Variants in MORN1 observed in about 807,000 individuals in gnomAD.
MORN1 encodes the protein MORN repeat-containing protein 1.
Under a neutral mutation model 61.9 loss-of-function variants are expected in MORN1, and 67 were observed. The ratio of observed to expected loss-of-function variants is 1.08; its 90% CI spans 0.89 to 1.33. The LOEUF (loss-of-function observed/expected upper bound fraction) is 1.33, where lower values mean the gene tolerates loss of function less well. Ranked by LOEUF, MORN1 falls within the 40% of genes most tolerant of loss-of-function variation. The pLI, the probability that MORN1 is intolerant of heterozygous loss-of-function variation, is 0.00. For synonymous variants in MORN1, 301 were observed against 292.0 expected (o/e 1.03, Z -0.31); for missense variants, 752 against 691.2 (o/e 1.09, Z -0.99).
chr1:2,355,075 G>C (rs886520279), intron 10 of MORN1: 68 of 816,450 alleles, frequency 8.3e-5, no homozygotes, highest in East Asian at 5.7e-4. Flanking sequence ...CAGTGGGGCC[G>C]GCGCGGGGGG....
In MORN1 at chr1:2,357,529, C is replaced by T. The variant is rs1557880343; in HGVS notation, c.939G>A (p.Lys313=). 6 of 1,612,744 alleles carry T rather than the reference C, an allele frequency of 3.7e-6. No homozygotes were observed. The highest frequency in any genetic ancestry group is 5.1e-6 in the Non-Finnish European group (6 of 1,179,636). The change falls in exon 10 of 14, where the codon AAG becomes AAA. Residue 313 remains lysine (K), a synonymous_variant. Transcript: ENST00000378531. The surrounding 1 kb of genome is among the most constrained non-coding windows in gnomAD (Gnocchi z 6.3). ...AAGVPGPRAA[K]GGAEADVPLP... ...GGGGCACGTCGGCTTCTGCCCCTCC[C>T]TTGGCAGCTCTGGGCCCCGGCACCC...
Position 2,387,438 on chromosome 1 carries a change from G to C in MORN1, c.339C>G (p.Val113=). The C allele has an allele frequency of 6.2e-7, 1 of 1,613,432 alleles. No individual in the cohort carries two copies. The highest frequency in any genetic ancestry group is 8.5e-7 in the Non-Finnish European group (1 of 1,179,896). ...CCAGACCTTCCCGCATGCCGTGGGA[G>C]ACCTCCCCTTCATAACATCCGCCGG... is the stretch of plus-strand genomic sequence containing the variant. ...YKAGGCYEGE[V]SHGMREGHGF... is the part of the protein sequence containing the mutation. The change falls in exon 4 of 14, where the codon GTC becomes GTG. Residue 113 remains valine, a synonymous_variant. Transcript: ENST00000378531.
rs372689380 is a variant in MORN1, at chr1:2,336,705, G to C, written c.1170+12C>G. On this transcript the variant is annotated intron_variant, in intron 11 of 13. Coordinates refer to ENST00000378531, the MANE Select transcript of MORN1 (RefSeq NM_024848.3). The stretch of plus-strand genomic sequence containing the variant: ...ATGTGGGGTGGCCTCCCCGCCCCCC[G>C]TGGGCACCCACCTTGTGGAGGCTGT... 3 of 1,548,468 alleles carry C rather than the reference G, an allele frequency of 1.9e-6. No individual in the cohort carries two copies. The highest frequency in any genetic ancestry group is 2.6e-6 in the Non-Finnish European group (3 of 1,144,830).
At chr1:2,376,962 C>T (rs1456174435) in intron 6 of MORN1, 1 of 152,238 alleles carries the variant, frequency 6.6e-6, no homozygotes, top group Non-Finnish European at 1.5e-5. Flanking sequence ...ACGGCACAGA[C>T]TGGGACACTG....
Position 2,321,368 on chromosome 1 carries a change from T to G in MORN1, c.*15A>C, listed in dbSNP as rs1640876091. On this transcript the variant is annotated 3_prime_UTR_variant, in exon 14 of 14. Transcript: ENST00000378531. Reference sequence around the variant, plus strand: ...TTCCATTCACACCGAGGTGGCCTCCTGTGGACACGGGGCCTCACCGAGGCG... The same window carrying G: ...TTCCATTCACACCGAGGTGGCCTCCGGTGGACACGGGGCCTCACCGAGGCG... 6.7e-7 allele frequency: 1 copy of G among 1,482,000 alleles called. No individual in the cohort carries two copies. The allele number at this position is 1,482,000 out of a possible 1,614,324, so 91.8% of individuals were successfully genotyped here.
chr1:2,342,171 G>A (rs955001200), intron 10 of MORN1, among the ~76,000 whole-genome samples: 4 of 152,268 alleles, frequency 2.6e-5, no homozygotes, highest in Non-Finnish European at 2.9e-5. Context: ...GAGCCAGCCC[G>A]GGACGGGATC....
In MORN1 at chr1:2,385,830, G is replaced by C. The variant is rs374933261; in HGVS notation, c.426C>G (p.His142Gln). The change falls in exon 5 of 14, where the codon CAC (histidine) becomes CAG (glutamine). Residue 142 changes from histidine to glutamine, a missense_variant. Transcript: ENST00000378531. ...ACTGAAAGAGCATCTGCCCAGGGCCGTGCCTCTTGTTGTCATGGAAGGAGC... is the reference window on the plus strand; with the variant it reads ...ACTGAAAGAGCATCTGCCCAGGGCCCTGCCTCTTGTTGTCATGGAAGGAGC... ...YQGSFHDNKR[H>Q]GPGQMLFQNG... 6 of 1,613,780 alleles carry C rather than the reference G, an allele frequency of 3.7e-6. No homozygotes were observed. In the African/African-American group the frequency reaches 8.0e-5, roughly 22 times the overall value.
At chr1:2,333,425 A>C (rs1035989809) in intron 12 of MORN1, among the ~76,000 whole-genome samples, 4 of 152,212 alleles carry the variant, frequency 2.6e-5, no homozygotes, top group African/African-American at 9.7e-5. Flanking sequence ...AGCTGAGTGC[A>C]GTGAGTGGCC....
chr1:2,355,458 G>T, intron 10 of MORN1: 1 of 1,550,528 alleles, frequency 6.4e-7, no homozygotes. Flanking sequence ...CTAGAAGAGT[G>T]AGCTCCCTGC....
chr1:2,336,989 C>A lies in MORN1; in HGVS notation c.1037-139G>T, dbSNP rs1641294568. On this transcript the variant is annotated intron_variant, in intron 10 of 13. Transcript: ENST00000378531. ...AGTCGCGATGCCATCTTGGTGGGGG[C>A]AGGTCAGGGGGCAGGGACTGTCCAT... 12 of 1,036,006 alleles carry A rather than the reference C, an allele frequency of 1.2e-5. No individual in the cohort carries two copies. In the South Asian group the frequency reaches 3.1e-4, roughly 26 times the overall value. The allele number at this position is 1,036,006 out of a possible 1,614,324, so 64.2% of individuals were successfully genotyped here. A position where few individuals can be genotyped will look rare whatever the true frequency, so the allele number is the denominator to read the frequency against.
chr1:2,336,763 G>A lies in MORN1; in HGVS notation c.1124C>T (p.Pro375Leu). The A allele has an allele frequency of 1.9e-6, 3 of 1,603,372 alleles. No homozygotes were observed. The highest frequency in any genetic ancestry group is 2.6e-6 in the Non-Finnish European group (3 of 1,175,366). ...CAGGAAGGGGTGGTACCCAGGCGGG[G>A]GCGGCCCCAGGAGGACATCTGTGAA... The part of the protein sequence containing the change: ...AEFTDVLLGP[P>L]PPGYHPFLFL... The change falls in exon 11 of 14, where the codon CCC (proline) becomes CTC (leucine). Residue 375 changes from proline (P) to leucine (L), a missense_variant. Pro to Leu is a moderately conservative substitution (Grantham distance 98). Coordinates refer to ENST00000378531, the MANE Select transcript of MORN1 (RefSeq NM_024848.3).
chr1:2,373,288 G>A (rs540406264), intron 7 of MORN1, among the ~76,000 whole-genome samples: 2 of 152,360 alleles, frequency 1.3e-5, no homozygotes, highest in South Asian at 2.1e-4. Flanking sequence ...AGGGTGGCGG[G>A]TGCCCCGGAC....
In MORN1 at chr1:2,357,490, G is replaced by C. The variant is rs1557880309; in HGVS notation, c.978C>G (p.Asp326Glu). 1.2e-6 allele frequency: 2 copies of C among 1,612,536 alleles called. No individual in the cohort carries two copies. Among genetic ancestry groups the C allele is most frequent in the East Asian group, 2.2e-5 (1 of 44,816 alleles). ...AEADVPLPRG[D>E]LELHLGALHG... ...GGAGGGCACCCAAATGCAGCTCCAG[G>C]TCTCCCCTGGGCAGGGGCACGTCGG... The change falls in exon 10 of 14, where the codon GAC becomes GAG. Residue 326 changes from aspartate to glutamate, a missense_variant. Transcript: ENST00000378531. This position sits in a 1 kb window ranked among gnomAD's most constrained non-coding sequence, Gnocchi z 6.3.
At chr1:2,355,146 G>GA in intron 10 of MORN1, 1 of 1,116,254 alleles carries the variant, frequency 9.0e-7, no homozygotes, top group South Asian at 3.0e-5. Context: ...CTTTGGCTCT[G>GA]AAAATCTCTC....
chr1:2,323,831 C>T (rs1640937054), intron 13 of MORN1: 1 of 985,178 alleles, frequency 1.0e-6, no homozygotes, highest in African/African-American at 1.7e-5. Flanking sequence ...CCGTGGCTTC[C>T]TCCTTTCTAG....
At chr1:2,376,981 G>A (rs979210218) in intron 6 of MORN1, 2 of 152,198 alleles carry the variant, frequency 1.3e-5, no homozygotes, top group African/African-American at 4.8e-5. Flanking sequence ...TGAGAGTCCT[G>A]GAGCAGCTGC....
intron 6 of MORN1, chr1:2,378,583 C>T (rs1272063689): frequency 2.0e-5 from 5 of 246,966 alleles, no homozygotes; most frequent in Non-Finnish European, 3.2e-5. Flanking sequence ...GCGGCAACTC[C>T]GGGAAAGCTG....
intron 9 of MORN1, among the ~76,000 whole-genome samples, chr1:2,358,175 G>T (rs1051801845): frequency 6.6e-6 from 1 of 152,126 alleles, no homozygotes; most frequent in Non-Finnish European, 1.5e-5. Context: ...TGATGTGTGC[G>T]TGGGGAGTGG....
intron 12 of MORN1, among the ~76,000 whole-genome samples, chr1:2,335,495 G>A (rs765156065): frequency 1.7e-4 from 26 of 152,188 alleles, no homozygotes; most frequent in Non-Finnish European, 3.1e-4. Flanking sequence ...CTTCTAGGGC[G>A]GCGACAGGGG....
Sources: gnomAD v4.1 joint callset for allele counts (sites outside exome capture counted in the v4.1 genomes callset) on GRCh38, gnomAD v4.1.1 for gene constraint, Gnocchi (gnomAD v3.1) non-coding constraint, MANE v1.5 for transcripts, NCBI Gene and HGNC (gene_info 2026-07-23, HGNC 2026-07-21) for gene names.